VIPR2: variants seen among roughly 807,000 people sequenced by gnomAD.
The protein encoded by VIPR2 is vasoactive intestinal polypeptide receptor 2.
VIPR2 carries 48 observed loss-of-function variants against 58.0 expected under a neutral mutation model. That is an observed-to-expected ratio of 0.83 (90% CI 0.66 to 1.05). The LOEUF (loss-of-function observed/expected upper bound fraction) is 1.05, where lower values mean the gene tolerates loss of function less well. Ranked by LOEUF, VIPR2 falls within the 50% of genes least tolerant of loss-of-function variation. VIPR2 has a pLI of 0.00. For missense variants in VIPR2, 534 were observed against 558.0 expected (o/e 0.96, Z 0.43); for synonymous variants, 243 against 235.2 (o/e 1.03, Z -0.30).
intron 1 of VIPR2, chr7:159,144,447 G>C (rs1797607646): frequency 6.5e-7 from 1 of 1,544,756 alleles, no homozygotes; most frequent in Non-Finnish European, 8.7e-7. Flanking sequence ...AGGAAGAAAC[G>C]ATCCCGTTTC....
Position 159,043,075 on chromosome 7 carries a change from C to G in VIPR2, c.557G>C (p.Ser186Thr), listed in dbSNP as rs1854443475. 6.2e-7 allele frequency: 1 copy of G among 1,614,048 alleles called. No individual in the cohort carries two copies. The highest frequency in any genetic ancestry group is 1.1e-5 in the South Asian group (1 of 91,080). ...GTCAGGGCAGTGCAACGTGCCAGAG[C>G]TGGAGTAGAGAACGTCGTCCTTGAC... ...VLVKDDVLYSSSGTLHCPDQP... is the reference protein window; with the variant it reads ...VLVKDDVLYSTSGTLHCPDQP... Residue 186 changes from serine (S) to threonine (T), a missense_variant, in exon 6 of 13, where the codon AGC becomes ACC. Ser to Thr is a moderately conservative substitution (Grantham distance 58). Around this residue, in one of 3 missense-constraint regions of VIPR2, gnomAD observed 224 missense variants for 255.7 expected, o/e 0.88. Coordinates refer to ENST00000262178, the MANE Select transcript of VIPR2 (RefSeq NM_003382.5).
At chr7:159,071,518 C>T (rs1007097127) in intron 4 of VIPR2, among the ~76,000 whole-genome samples, 12 of 152,328 alleles carry the variant, frequency 7.9e-5, no homozygotes, top group Middle Eastern at 3.4e-3. Context: ...GCCTGGAGCT[C>T]GGACCCACAA....
At chr7:159,110,949 CA>C (rs1795974771) in intron 2 of VIPR2, among the ~76,000 whole-genome samples, 1 of 152,146 alleles carries the variant, frequency 6.6e-6, no homozygotes, top group South Asian at 2.1e-4. Context: ...AATAAAATTA[CA>C]TACCAATACT....
intron 2 of VIPR2, among the ~76,000 whole-genome samples, chr7:159,116,420 T>C (rs1396769359): frequency 6.6e-6 from 1 of 152,112 alleles, no homozygotes; most frequent in Non-Finnish European, 1.5e-5. Context: ...GCATGGTCAG[T>C]GCATTTGGGA....
rs1027566948 is a variant in VIPR2, at chr7:159,028,994, G to A, written c.*1622C>T. ...GGGTGCGGACCTTTGGGGATTGAGG[G>A]GTCTCTGGACACTGCTGCTTTGCTG... On this transcript the variant is annotated 3_prime_UTR_variant, in exon 13 of 13. Transcript: ENST00000262178. The A allele has an allele frequency of 2.0e-5, 3 of 152,322 alleles. No homozygotes were observed. The highest frequency in any genetic ancestry group is 7.2e-5 in the African/African-American group (3 of 41,448). 9.4% of individuals were successfully genotyped at this position (152,322 alleles called of 1,614,324 possible). A position where few individuals can be genotyped will look rare whatever the true frequency, so the allele number is the denominator to read the frequency against.
At chr7:159,102,921 G>C (rs1419189126) in intron 4 of VIPR2, among the ~76,000 whole-genome samples, 1 of 152,240 alleles carries the variant, frequency 6.6e-6, no homozygotes, top group Non-Finnish European at 1.5e-5. Flanking sequence ...TCTGGCTGCA[G>C]GTTGCTATGG....
intron 10 of VIPR2, 110 bp from the exon 11 acceptor site, chr7:159,032,177 C>T: frequency 6.9e-7 from 1 of 1,440,604 alleles, no homozygotes; most frequent in Non-Finnish European, 9.4e-7. Flanking sequence ...GGCTCCACAC[C>T]TCCTCTCCAC....
At chr7:159,033,338 C>T (rs1226255544) in intron 10 of VIPR2, among the ~76,000 whole-genome samples, 4 of 152,178 alleles carry the variant, frequency 2.6e-5, no homozygotes, top group Admixed American at 2.6e-4. Context: ...CTAGGCTGGG[C>T]GGCAGGGTTC....
intron 4 of VIPR2, among the ~76,000 whole-genome samples, chr7:159,100,324 A>C (rs1383605708): frequency 6.6e-6 from 1 of 152,016 alleles, no homozygotes; most frequent in Non-Finnish European, 1.5e-5. Context: ...TAACACAGTG[A>C]CAGTGGGCTC....
intron 3 of VIPR2, among the ~76,000 whole-genome samples, chr7:159,105,376 C>T (rs142638325): frequency 2.0e-5 from 3 of 152,260 alleles, no homozygotes; most frequent in Non-Finnish European, 2.9e-5. Context: ...TTTTCACTCC[C>T]GTGACTTTTT....
chr7:159,055,597 A>G (rs1855272511), intron 5 of VIPR2, among the ~76,000 whole-genome samples: 1 of 151,986 alleles, frequency 6.6e-6, no homozygotes, highest in South Asian at 2.1e-4. Flanking sequence ...CTCAGAAGGC[A>G]AATGTCCCCC....
rs1853897176 is a variant in VIPR2 at position 159,035,686 on chromosome 7, G to T, written c.809+266C>A. ...CATCGCTGTGCCCACCGCAGGGGCT[G>T]CCCCAGTCTCTGCCTGGCTTATCCC... On this transcript the variant is annotated intron_variant, in intron 8 of 12. Coordinates refer to ENST00000262178, the MANE Select transcript of VIPR2 (RefSeq NM_003382.5). 3 of 985,108 alleles carry T rather than the reference G, an allele frequency of 3.0e-6. 1 individual carries two copies. In the Admixed American group the frequency reaches 1.8e-4, roughly 61 times the overall value. The allele number at this position is 985,108 out of a possible 1,614,324, so 61.0% of individuals were successfully genotyped here.
At chr7:159,133,245 G>C (rs1346295628) in intron 2 of VIPR2, among the ~76,000 whole-genome samples, 65 of 152,380 alleles carry the variant, frequency 4.3e-4, no homozygotes, top group Non-Finnish European at 8.1e-4. Flanking sequence ...GGCTGAAGAG[G>C]AGAAGGACTC....
At chr7:159,106,775 C>T (rs1484685542) in intron 3 of VIPR2, among the ~76,000 whole-genome samples, 6 of 127,750 alleles carry the variant, frequency 4.7e-5, no homozygotes, top group Admixed American at 1.6e-4. Context: ...GCAGAGAGGC[C>T]GGGGAGGTAG....
At chr7:159,090,588 C>G (rs1353363487) in intron 4 of VIPR2, among the ~76,000 whole-genome samples, 1 of 124,488 alleles carries the variant, frequency 8.0e-6, no homozygotes, top group Non-Finnish European at 1.6e-5. Context: ...TCACAATCCC[C>G]GGTGACCTCA....
At chr7:159,043,007 T>C in intron 6 of VIPR2, 28 bp downstream of exon 6, 1 of 1,610,802 alleles carries the variant, frequency 6.2e-7, no homozygotes, top group Non-Finnish European at 8.5e-7. Context: ...GACAAGACAG[T>C]GGGACCCTGT....
chr7:159,064,840 C>A (rs148350734), intron 4 of VIPR2, among the ~76,000 whole-genome samples: 1 of 152,204 alleles, frequency 6.6e-6, no homozygotes, highest in African/African-American at 2.4e-5. Flanking sequence ...AGAGGCCTCG[C>A]CTAGAGGCCC....
In VIPR2 at chr7:159,128,123, G is replaced by C. The variant is rs914216012; in HGVS notation, c.151+14323C>G. On this transcript the variant is annotated intron_variant, in intron 2 of 12. Coordinates refer to ENST00000262178, the MANE Select transcript of VIPR2 (RefSeq NM_003382.5). This position sits in a 1 kb window ranked among gnomAD's most constrained non-coding sequence, Gnocchi z 4.1. ...GTAGTGGTCTCTCCTTCAGGCTCCT[G>C]CTGCCTCTGCCCCTGAGGGATGTGA... 6.6e-6 allele frequency among the ~76,000 whole-genome samples: 1 copy of C among 152,156 alleles called. No individual in the cohort carries two copies. The highest frequency in any genetic ancestry group is 1.5e-5 in the Non-Finnish European group (1 of 68,014).
At chr7:159,069,367 C>T (rs1315853802) in intron 4 of VIPR2, among the ~76,000 whole-genome samples, 1 of 152,174 alleles carries the variant, frequency 6.6e-6, no homozygotes, top group East Asian at 1.9e-4. Flanking sequence ...GTATGCACTC[C>T]TGGGAACGAA....
Sources: allele counts gnomAD v4.1 joint callset (sites outside exome capture counted in the v4.1 genomes callset), GRCh38; gene constraint gnomAD v4.1.1; regional missense constraint gnomAD v4.1.1; non-coding constraint Gnocchi (gnomAD v3.1); transcripts MANE v1.5; gene names NCBI Gene and HGNC (gene_info 2026-07-23, HGNC 2026-07-21).